The following FHIT variants were observed in gnomAD, a reference collection of about 807,000 sequenced individuals.
FHIT encodes bis(5'-adenosyl)-triphosphatase.
FHIT carries 19 observed loss-of-function variants against 17.9 expected under a neutral mutation model. That is an observed-to-expected ratio of 1.06 (90% CI 0.74 to 1.56). FHIT has a LOEUF of 1.56. Ranked by LOEUF, FHIT falls within the 40% of genes most tolerant of loss-of-function variation. The pLI, the probability that FHIT is intolerant of heterozygous loss-of-function variation, is 0.00. For synonymous variants in FHIT, 81 were observed against 69.7 expected (o/e 1.16, Z -0.81); for missense variants, 248 against 189.2 (o/e 1.31, Z -1.82).
chr3:60,429,192 G>A (rs373976670), intron 5 of FHIT, among the ~76,000 whole-genome samples: 1 of 151,882 alleles, frequency 6.6e-6, no homozygotes, highest in Non-Finnish European at 1.5e-5. Flanking sequence ...TCTAGTTTAT[G>A]AAAAATAAAC....
chr3:61,217,128 A>G (rs909346469), intron 1 of FHIT, among the ~76,000 whole-genome samples: 35 of 152,308 alleles, frequency 2.3e-4, no homozygotes, highest in African/African-American at 7.9e-4. Flanking sequence ...CATGTACCCT[A>G]AAACTTAAAG....
At chr3:60,495,593 G>A (rs1427375074) in intron 5 of FHIT, among the ~76,000 whole-genome samples, 1 of 151,720 alleles carries the variant, frequency 6.6e-6, no homozygotes. Flanking sequence ...CCTAACAGGG[G>A]GAAACCTACA....
chr3:60,061,997 T>A (rs1324648384), intron 5 of FHIT, among the ~76,000 whole-genome samples: 1 of 152,116 alleles, frequency 6.6e-6, no homozygotes, highest in East Asian at 1.9e-4. Context: ...TGAAGATACG[T>A]CTCATGTCAG....
chr3:60,055,227 G>C (rs1472666500), intron 5 of FHIT, among the ~76,000 whole-genome samples: 1 of 152,082 alleles, frequency 6.6e-6, no homozygotes, highest in Non-Finnish European at 1.5e-5. Context: ...GGGTTCTTCA[G>C]GAGGGATTTC....
At chr3:59,766,080 G>A (rs1701781496) in intron 8 of FHIT, among the ~76,000 whole-genome samples, 1 of 152,204 alleles carries the variant, frequency 6.6e-6, no homozygotes, top group Non-Finnish European at 1.5e-5. Flanking sequence ...CTGACTCCAT[G>A]TGAGGAGACA....
At chr3:60,681,827 G>A (rs564812752) in intron 4 of FHIT, among the ~76,000 whole-genome samples, 1 of 152,280 alleles carries the variant, frequency 6.6e-6, no homozygotes, top group East Asian at 1.9e-4. Flanking sequence ...TTTGAAGATA[G>A]CAGAGGCTGA....
intron 7 of FHIT, among the ~76,000 whole-genome samples, chr3:60,008,160 T>C (rs535534112): frequency 6.6e-6 from 1 of 152,152 alleles, no homozygotes; most frequent in African/African-American, 2.4e-5. Flanking sequence ...AATCAAATCA[T>C]GCACCAGGAC....
chr3:60,089,204 C>A (rs1480102418), intron 5 of FHIT, among the ~76,000 whole-genome samples: 1 of 152,192 alleles, frequency 6.6e-6, no homozygotes, highest in Non-Finnish European at 1.5e-5. Flanking sequence ...GACCTATAAT[C>A]AGAGGTCTTA....
At chr3:60,265,384 G>C (rs927527414) in intron 5 of FHIT, among the ~76,000 whole-genome samples, 1 of 151,924 alleles carries the variant, frequency 6.6e-6, no homozygotes, top group Non-Finnish European at 1.5e-5. Flanking sequence ...CAAAAGAGTG[G>C]AAGGCTCCTA....
chr3:60,004,863 T>A (rs961367239), intron 7 of FHIT, among the ~76,000 whole-genome samples: 1 of 152,216 alleles, frequency 6.6e-6, no homozygotes, highest in Non-Finnish European at 1.5e-5. Context: ...TGAACATGTA[T>A]TGAGACTTTA....
rs547690621 is a variant in FHIT, at chr3:60,164,834, C to T, written c.104-150682G>A. Among the ~76,000 whole-genome samples the T allele has an allele frequency of 1.1e-4, 16 of 152,176 alleles. No homozygotes were observed. The South Asian group carries it at 2.9e-3, about 28-fold the overall frequency. Reference sequence around the variant, plus strand: ...GAATTTTACCTTGGCCAAGTTATTTCCTTGCCTAATTATACCTACGTACCA... The same window carrying T: ...GAATTTTACCTTGGCCAAGTTATTTTCTTGCCTAATTATACCTACGTACCA... On this transcript the variant is annotated intron_variant, in intron 5 of 9. Transcript: ENST00000492590.
At chr3:60,565,413 A>G (rs1028369713) in intron 4 of FHIT, among the ~76,000 whole-genome samples, 1 of 152,152 alleles carries the variant, frequency 6.6e-6, no homozygotes, top group Admixed American at 6.6e-5. Context: ...GAATTCATAA[A>G]CAATACAACA....
chr3:60,245,982 A>T (rs1259676192), intron 5 of FHIT, among the ~76,000 whole-genome samples: 1 of 152,078 alleles, frequency 6.6e-6, no homozygotes, highest in Non-Finnish European at 1.5e-5. Context: ...TATAAAAAAA[A>T]TTTTCTTAAA....
At chr3:59,868,997 C>G (rs1292065310) in intron 8 of FHIT, among the ~76,000 whole-genome samples, 2 of 152,150 alleles carry the variant, frequency 1.3e-5, no homozygotes, top group African/African-American at 4.8e-5. Context: ...CATTCCCATC[C>G]TGTTGGCTTG....
intron 8 of FHIT, among the ~76,000 whole-genome samples, chr3:59,849,084 T>C (rs769146827): frequency 3.9e-5 from 6 of 152,152 alleles, no homozygotes; most frequent in Admixed American, 1.3e-4. Flanking sequence ...AGAAATAAGA[T>C]TCTCGGCCAG....
chr3:60,204,448 T>TG (rs768942997), intron 5 of FHIT, among the ~76,000 whole-genome samples: 25 of 106,046 alleles, frequency 2.4e-4, no homozygotes, highest in East Asian at 1.0e-3. Flanking sequence ...ATTCTGGTTT[T>TG]TTTTTTTTTG....
intron 3 of FHIT, among the ~76,000 whole-genome samples, chr3:61,008,758 T>C: frequency 6.6e-6 from 1 of 152,208 alleles, no homozygotes; most frequent in East Asian, 1.9e-4. Context: ...GTGGCCCACA[T>C]TGGCAATTAA....
chr3:60,515,827 G>A lies in FHIT; in HGVS notation c.103+21033C>T, dbSNP rs2035133484. 6.6e-5 allele frequency among the ~76,000 whole-genome samples: 10 copies of A among 152,200 alleles called. 1 individual carries two copies. The South Asian group carries it at 2.1e-3, about 31-fold the overall frequency. On this transcript the variant is annotated intron_variant, in intron 5 of 9. Coordinates refer to ENST00000492590, the MANE Select transcript of FHIT (RefSeq NM_002012.4). ...CCATTTGAAGCATAAGGTAACTGAA[G>A]GAAATCTAGGTTAAGTAATTCCCAG...
At chr3:59,975,467 A>G (rs547199591) in intron 7 of FHIT, among the ~76,000 whole-genome samples, 45 of 152,272 alleles carry the variant, frequency 3.0e-4, no homozygotes, top group African/African-American at 1.1e-3. Flanking sequence ...CAGTAACTAA[A>G]CAACAAATGT....
Sources: allele counts gnomAD v4.1 joint callset (sites outside exome capture counted in the v4.1 genomes callset), GRCh38; gene constraint gnomAD v4.1.1; transcripts MANE v1.5; gene names NCBI Gene and HGNC (gene_info 2026-07-23, HGNC 2026-07-21).